Variants in PHACTR1 observed in about 807,000 individuals in gnomAD.
PHACTR1 encodes RPEL repeat containing 1.
PHACTR1 carries 16 observed loss-of-function variants against 69.2 expected under a neutral mutation model. The ratio of observed to expected loss-of-function variants is 0.23; its 90% CI spans 0.16 to 0.35. PHACTR1 has a LOEUF of 0.35. Ranked by LOEUF, PHACTR1 falls within the 10% of genes least tolerant of loss-of-function variation. The pLI is 1.00. For missense variants in PHACTR1, 510 were observed against 734.7 expected, an observed-to-expected ratio of 0.69 and a Z score of 3.54; for synonymous variants, 312 against 284.5, an observed-to-expected ratio of 1.10 and a Z score of -0.97.
intron 5 of PHACTR1, among the ~76,000 whole-genome samples, chr6:13,081,347 C>T (rs969716618): frequency 1.2e-4 from 18 of 152,074 alleles, no homozygotes; most frequent in African/African-American, 3.9e-4. Context: ...TTTAAAACAA[C>T]GAATTTAAGA....
At chr6:13,154,125 G>A (rs772005461) in intron 5 of PHACTR1, among the ~76,000 whole-genome samples, 4 of 152,024 alleles carry the variant, frequency 2.6e-5, no homozygotes, top group Non-Finnish European at 4.4e-5. Context: ...GCATCCCCTC[G>A]TGTGGACACT....
chr6:13,287,145 G>A lies in PHACTR1; in HGVS notation c.*67G>A. 7.0e-7 allele frequency: 1 copy of A among 1,438,582 alleles called. No homozygotes were observed. The highest frequency in any genetic ancestry group is 2.4e-5 in the East Asian group (1 of 42,320). 89.1% of individuals were successfully genotyped at this position (1,438,582 alleles called of 1,614,324 possible). A position where few individuals can be genotyped will look rare whatever the true frequency, so the allele number is the denominator to read the frequency against. Reference sequence around the variant, plus strand: ...AAATTTATAAGAACCATAAGTGCTGGTATTTATTCACTTCCCCATTACGAT... The same window carrying A: ...AAATTTATAAGAACCATAAGTGCTGATATTTATTCACTTCCCCATTACGAT... On this transcript the variant is annotated 3_prime_UTR_variant, in exon 15 of 15. Transcript: ENST00000332995.
intron 8 of PHACTR1, among the ~76,000 whole-genome samples, chr6:13,220,521 T>C (rs1423752276): frequency 6.6e-6 from 1 of 152,156 alleles, no homozygotes; most frequent in Non-Finnish European, 1.5e-5. Flanking sequence ...TGACGGCCTG[T>C]GAGTATAGAA....
At position 12,825,318 on chromosome 6, in the gene PHACTR1, A is replaced by C. The variant is rs74435775; in HGVS notation, c.250+75528A>C. On this transcript the variant is annotated intron_variant, in intron 4 of 14. Transcript: ENST00000332995. ...ACAGAACAAAACCCTCTCTCTCTCA[A>C]AAAAAAAAAAAAAGTGTTTAGAAGA... Among the ~76,000 whole-genome samples the C allele has an allele frequency of 8.1e-3, 1,180 of 145,698 alleles. 15 individuals are homozygous for C. Among genetic ancestry groups the C allele is most frequent in the African/African-American group, 0.028 (1,114 of 40,216 alleles).
At chr6:12,846,208 CATA>C (rs1483075958) in intron 4 of PHACTR1, among the ~76,000 whole-genome samples, 1 of 152,128 alleles carries the variant, frequency 6.6e-6, no homozygotes, top group Non-Finnish European at 1.5e-5. Context: ...CTGCTTGGCA[CATA>C]ATGAGAGCTT....
At chr6:13,028,122 A>C (rs1449591727) in intron 4 of PHACTR1, among the ~76,000 whole-genome samples, 1 of 152,202 alleles carries the variant, frequency 6.6e-6, no homozygotes, top group Non-Finnish European at 1.5e-5. Context: ...GCATTTTATC[A>C]CACATATGTC....
intron 4 of PHACTR1, among the ~76,000 whole-genome samples, chr6:13,020,217 T>C (rs1800769709): frequency 6.6e-6 from 1 of 152,182 alleles, no homozygotes. Context: ...ATAGAGATTT[T>C]CAGCCCAGGG....
chr6:13,166,758 G>A (rs570343409), intron 6 of PHACTR1, among the ~76,000 whole-genome samples: 5 of 152,184 alleles, frequency 3.3e-5, no homozygotes, highest in Admixed American at 2.6e-4. Context: ...CGAGGTATAC[G>A]CAAGGGATTG....
At chr6:13,045,180 G>A (rs1436360316) in intron 4 of PHACTR1, among the ~76,000 whole-genome samples, 1 of 152,068 alleles carries the variant, frequency 6.6e-6, no homozygotes, top group Admixed American at 6.5e-5. Context: ...CTCTTCTTTC[G>A]AGAATCACTT....
chr6:12,921,080 G>T (rs979602475), intron 4 of PHACTR1, among the ~76,000 whole-genome samples: 3 of 152,206 alleles, frequency 2.0e-5, no homozygotes, highest in African/African-American at 7.2e-5. Context: ...TTAGGGTGCA[G>T]ACTTTCAGGA....
chr6:12,981,362 T>C (rs1292402970), intron 4 of PHACTR1, among the ~76,000 whole-genome samples: 1 of 152,230 alleles, frequency 6.6e-6, no homozygotes, highest in East Asian at 1.9e-4. Context: ...GTCTTGTTAC[T>C]GATATGATTT....
chr6:13,006,283 G>T (rs1269004119), intron 4 of PHACTR1, among the ~76,000 whole-genome samples: 1 of 152,134 alleles, frequency 6.6e-6, no homozygotes, highest in Non-Finnish European at 1.5e-5. Flanking sequence ...AACCTTTCTT[G>T]GTTGTGTTTT....
chr6:13,213,951 T>C (rs1026229066), intron 8 of PHACTR1: 3 of 152,086 alleles, frequency 2.0e-5, no homozygotes, highest in Non-Finnish European at 4.4e-5. Context: ...ATTTATGGAG[T>C]GGGTTTCATT....
chr6:12,857,120 A>C (rs1015519615), intron 4 of PHACTR1, among the ~76,000 whole-genome samples: 1 of 152,232 alleles, frequency 6.6e-6, no homozygotes, highest in African/African-American at 2.4e-5. Flanking sequence ...ACCTCTGTGT[A>C]TGTAGTAAAT....
chr6:12,931,562 T>G (rs1788874448), intron 4 of PHACTR1, among the ~76,000 whole-genome samples: 1 of 152,118 alleles, frequency 6.6e-6, no homozygotes, highest in South Asian at 2.1e-4. Flanking sequence ...ATTGCTTATG[T>G]AAATAGCAAA....
At chr6:12,778,682 C>A (rs1342079629) in intron 4 of PHACTR1, among the ~76,000 whole-genome samples, 4 of 152,114 alleles carry the variant, frequency 2.6e-5, no homozygotes, top group Admixed American at 2.0e-4. Flanking sequence ...TTTCTGATGA[C>A]CATGGACACC....
intron 4 of PHACTR1, among the ~76,000 whole-genome samples, chr6:12,919,349 G>T (rs935767657): frequency 4.6e-5 from 7 of 151,694 alleles, no homozygotes; most frequent in African/African-American, 1.5e-4. Context: ...CACCATGTTG[G>T]CCAGGCTAGT....
chr6:13,221,762 G>C (rs896746586), intron 8 of PHACTR1, among the ~76,000 whole-genome samples: 4 of 152,216 alleles, frequency 2.6e-5, no homozygotes, highest in African/African-American at 9.6e-5. Context: ...AGGTGGCCGG[G>C]CACGGTGGCT....
At chr6:12,767,776 G>A (rs1031239006) in intron 4 of PHACTR1, among the ~76,000 whole-genome samples, 1 of 152,180 alleles carries the variant, frequency 6.6e-6, no homozygotes, top group Non-Finnish European at 1.5e-5. Context: ...CAGGGTGGAA[G>A]ATCATTGATG....
Sources: allele counts gnomAD v4.1 joint callset (sites outside exome capture counted in the v4.1 genomes callset), GRCh38; gene constraint gnomAD v4.1.1; transcripts MANE v1.5; gene names NCBI Gene and HGNC (gene_info 2026-07-23, HGNC 2026-07-21).